Variants in PEMT observed in about 807,000 individuals in gnomAD.
PEMT encodes phospholipid methyltransferase.
Under a neutral mutation model 27.4 loss-of-function variants are expected in PEMT, and 23 were observed. The observed-to-expected ratio is 0.84, with a 90% CI of 0.60 to 1.19. PEMT has a LOEUF of 1.19. Ranked by LOEUF, PEMT falls within the 50% of genes most tolerant of loss-of-function variation. The pLI, the probability that PEMT is intolerant of heterozygous loss-of-function variation, is 0.00. For missense variants in PEMT, 307 were observed against 310.1 expected (o/e 0.99, Z 0.07); for synonymous variants, 137 against 139.1 (o/e 0.98, Z 0.11).
Position 17,511,951 on chromosome 17 carries a change from C to T in PEMT, c.466+558G>A, listed in dbSNP as rs180700640. Among the ~76,000 whole-genome samples the T allele has an allele frequency of 3.3e-5, 5 of 152,298 alleles. No individual in the cohort carries two copies. In the East Asian group the frequency reaches 9.7e-4, roughly 29 times the overall value. On this transcript the variant is annotated intron_variant, in intron 4 of 6. Transcript: ENST00000255389. ...GCACTGGGCTCACAGCCTGAAAGCA[C>T]CTCAGCCACAGGCAGAGGGAAATGG...
intron 3 of PEMT, among the ~76,000 whole-genome samples, chr17:17,519,390 G>A (rs1907097926): frequency 2.0e-5 from 3 of 152,258 alleles, no homozygotes; most frequent in African/African-American, 7.2e-5. Flanking sequence ...GGCCCTGCTG[G>A]CTGGGCAGAT....
chr17:17,546,079 G>T (rs1244646540), intron 2 of PEMT, among the ~76,000 whole-genome samples: 2 of 152,160 alleles, frequency 1.3e-5, no homozygotes, highest in African/African-American at 4.8e-5. Flanking sequence ...CCCATCTTAT[G>T]TCCTCAAGCA....
At position 17,505,797 on chromosome 17, in the gene PEMT, C is replaced by A. The variant is rs2052631895; in HGVS notation, c.705G>T (p.Arg235Ser). The change falls in exon 7 of 7, where the codon AGG becomes AGT. Residue 235 changes from arginine (R) to serine (S), a missense_variant. Physicochemically the swap from Arg to Ser is moderately radical, Grantham distance 110 (BLOSUM62 -1). Coordinates refer to ENST00000255389, the MANE Select transcript of PEMT (RefSeq NM_148172.3). ...CAAAGCTGTTGCAGCTCAATCAGCT[C>A]CTCTTGTGGGACCCGGAGGCTTTCT... ...YRQKASGSHK[R>S]S 3 of 1,610,978 alleles carry A rather than the reference C, an allele frequency of 1.9e-6. No individual in the cohort carries two copies. The highest frequency in any genetic ancestry group is 3.4e-5 in the Admixed American group (2 of 59,692).
At chr17:17,514,495 G>A (rs955424555) in intron 3 of PEMT, among the ~76,000 whole-genome samples, 3 of 152,190 alleles carry the variant, frequency 2.0e-5, no homozygotes, top group African/African-American at 7.2e-5. Context: ...TGGCAGAGGC[G>A]GGCACACCGA....
chr17:17,555,757 G>A (rs917585191), intron 2 of PEMT, among the ~76,000 whole-genome samples: 1 of 152,138 alleles, frequency 6.6e-6, no homozygotes, highest in Non-Finnish European at 1.5e-5. Flanking sequence ...GCTGCCCTCC[G>A]ATCACACAGA....
At chr17:17,581,817 C>T (rs1181589760) in intron 1 of PEMT, among the ~76,000 whole-genome samples, 2 of 152,160 alleles carry the variant, frequency 1.3e-5, no homozygotes, top group African/African-American at 4.8e-5. Context: ...CCCGGAGAAG[C>T]ACCTGCTTCG....
chr17:17,541,252 C>T (rs995172604), intron 2 of PEMT, among the ~76,000 whole-genome samples: 2 of 152,222 alleles, frequency 1.3e-5, no homozygotes, highest in Non-Finnish European at 2.9e-5. Flanking sequence ...AGGAAGATGT[C>T]TCCCTCACGC....
chr17:17,521,620 A>G (rs926263383), intron 3 of PEMT, among the ~76,000 whole-genome samples: 9 of 152,108 alleles, frequency 5.9e-5, no homozygotes, highest in South Asian at 2.1e-4. Context: ...GCTGGAGTGC[A>G]CTGGTGCAAC....
intron 2 of PEMT, among the ~76,000 whole-genome samples, chr17:17,566,310 T>C (rs757577371): frequency 2.0e-5 from 3 of 152,078 alleles, no homozygotes; most frequent in Non-Finnish European, 4.4e-5. Context: ...CCAGTAGAGT[T>C]GGGGGTGAGT....
In PEMT at chr17:17,576,550, A is replaced by T. The variant is rs70959689; in HGVS notation, c.204+370T>A. On this transcript the variant is annotated intron_variant, in intron 2 of 6. Coordinates refer to ENST00000255389, the MANE Select transcript of PEMT (RefSeq NM_148172.3). ...TACTGTGTGACATGGCAGAGAGGGA[A>T]GAGAGCCCCTACTTCCTGGGCAACC... Among the ~76,000 whole-genome samples the T allele has an allele frequency of 9.8e-3, 1,497 of 152,336 alleles. 30 individuals are homozygous for T. The highest frequency in any genetic ancestry group is 0.033 in the African/African-American group (1,392 of 41,584).
At position 17,512,430 on chromosome 17, in the gene PEMT, G is replaced by T; in HGVS notation, c.466+79C>A. ...CTCCCACCGATGTCACGGATAGCAGGGCAGCAGCCACCTGGCCCTGCACCT... is the reference window on the plus strand; with the variant it reads ...CTCCCACCGATGTCACGGATAGCAGTGCAGCAGCCACCTGGCCCTGCACCT... On this transcript the variant is annotated intron_variant, in intron 4 of 6. Transcript: ENST00000255389. The surrounding 1 kb of genome is among the most constrained non-coding windows in gnomAD (Gnocchi z 6.3). 1 of 1,330,466 alleles carries T rather than the reference G, an allele frequency of 7.5e-7. No individual in the cohort carries two copies. The highest frequency in any genetic ancestry group is 9.9e-7 in the Non-Finnish European group (1 of 1,010,172). 82.4% of individuals were successfully genotyped at this position (1,330,466 alleles called of 1,614,324 possible).
intron 2 of PEMT, among the ~76,000 whole-genome samples, chr17:17,522,912 C>T (rs1446007147): frequency 2.0e-5 from 3 of 152,244 alleles, no homozygotes; most frequent in African/African-American, 2.4e-5. Context: ...AAAGAAAACC[C>T]CTCACCCTCC....
intron 1 of PEMT, among the ~76,000 whole-genome samples, chr17:17,585,548 A>G (rs1007292381): frequency 1.3e-5 from 2 of 152,180 alleles, no homozygotes; most frequent in African/African-American, 4.8e-5. Flanking sequence ...CTAAATGAAT[A>G]TTATCCCTAA....
intron 3 of PEMT, among the ~76,000 whole-genome samples, chr17:17,520,803 G>A (rs1226746529): frequency 6.6e-6 from 1 of 152,238 alleles, no homozygotes; most frequent in East Asian, 1.9e-4. Flanking sequence ...GCAAAGGCCA[G>A]GAGCCAGGGG....
At chr17:17,570,537 G>A (rs1911121324) in intron 2 of PEMT, 2 of 985,252 alleles carry the variant, frequency 2.0e-6, no homozygotes, top group South Asian at 9.4e-5. Context: ...AGGGTGAGGA[G>A]GCATGAGGGA....
chr17:17,551,629 C>T (rs1337379813), intron 2 of PEMT, among the ~76,000 whole-genome samples: 1 of 152,218 alleles, frequency 6.6e-6, no homozygotes, highest in African/African-American at 2.4e-5. Context: ...AGCAGCAAAA[C>T]AGGAGGGGCA....
chr17:17,535,604 A>G (rs1029531019), intron 2 of PEMT, among the ~76,000 whole-genome samples: 3 of 151,984 alleles, frequency 2.0e-5, no homozygotes, highest in Non-Finnish European at 4.4e-5. Flanking sequence ...TTAGAGATAC[A>G]TTCTGCATTT....
intron 1 of PEMT, among the ~76,000 whole-genome samples, chr17:17,583,017 A>T (rs1912058456): frequency 6.6e-6 from 1 of 151,682 alleles, no homozygotes; most frequent in Admixed American, 6.6e-5. Context: ...AGCCGAGATC[A>T]TGCCACTGCA....
At chr17:17,516,553 C>A (rs554518050) in intron 3 of PEMT, among the ~76,000 whole-genome samples, 21 of 152,306 alleles carry the variant, frequency 1.4e-4, no homozygotes, top group African/African-American at 4.6e-4. Flanking sequence ...GCCTCACGGG[C>A]AGGCCAAGGA....
Sources: gnomAD v4.1 joint callset for allele counts (sites outside exome capture counted in the v4.1 genomes callset) on GRCh38, gnomAD v4.1.1 for gene constraint, Gnocchi (gnomAD v3.1) non-coding constraint, MANE v1.5 for transcripts, NCBI Gene and HGNC (gene_info 2026-07-23, HGNC 2026-07-21) for gene names.